PRPF38B: variants seen among roughly 807,000 people sequenced by gnomAD.
PRPF38B encodes the protein pre-mRNA-splicing factor 38B.
Under a neutral mutation model 67.2 loss-of-function variants are expected in PRPF38B, and 18 were observed. That is an observed-to-expected ratio of 0.27 (90% CI 0.19 to 0.40). PRPF38B has a LOEUF of 0.40. PRPF38B is among the 10% of genes least tolerant of loss of function. The pLI, the probability that PRPF38B is intolerant of heterozygous loss-of-function variation, is 1.00. For synonymous variants in PRPF38B, 246 were observed against 234.2 expected (o/e 1.05, Z -0.46); for missense variants, 544 against 684.9 (o/e 0.79, Z 2.30).
intron 1 of PRPF38B, chr1:108,693,683 TC>T: frequency 2.1e-6 from 2 of 938,040 alleles, no homozygotes; most frequent in African/African-American, 1.8e-5. Context: ...TAAATGCATT[TC>T]CCTGGTTAAA....
Position 108,700,689 on chromosome 1 carries a change from A to G in PRPF38B, c.*669A>G, listed in dbSNP as rs1660395307. ...AAGTCCTTTTAGCATTCTACCTCAA[A>G]GGGACACTTAGTATGCCTAAAATTT... On this transcript the variant is annotated 3_prime_UTR_variant, in exon 6 of 6. Coordinates refer to ENST00000370025, the MANE Select transcript of PRPF38B (RefSeq NM_018061.4). The G allele has an allele frequency of 1.3e-5, 2 of 152,678 alleles. No individual in the cohort carries two copies. Among genetic ancestry groups the G allele is most frequent in the South Asian group, 4.1e-4 (2 of 4,838 alleles). The allele number at this position is 152,678 out of a possible 1,614,324, so 9.5% of individuals were successfully genotyped here.
At chr1:108,696,841 G>A in intron 4 of PRPF38B, 1 of 682,614 alleles carries the variant, frequency 1.5e-6, no homozygotes. Flanking sequence ...GTGTTTGGAT[G>A]ACTTGTTCAA....
chr1:108,700,260 T>G lies in PRPF38B; in HGVS notation c.*240T>G. 1.7e-6 allele frequency: 1 copy of G among 603,260 alleles called. No individual in the cohort carries two copies. The highest frequency in any genetic ancestry group is 2.5e-6 in the Non-Finnish European group (1 of 401,960). 37.4% of individuals were successfully genotyped at this position (603,260 alleles called of 1,614,324 possible). ...TTGTTCTTGCATTTTTATTGTTTGT[T>G]TTTGAAATGTACAGTCTGTACATAT... On this transcript the variant is annotated 3_prime_UTR_variant, in exon 6 of 6. Coordinates refer to ENST00000370025, the MANE Select transcript of PRPF38B (RefSeq NM_018061.4).
In PRPF38B at chr1:108,692,591, C is replaced by G; in HGVS notation, c.-1C>G. On this transcript the variant is annotated 5_prime_UTR_variant, in exon 1 of 6. Coordinates refer to ENST00000370025, the MANE Select transcript of PRPF38B (RefSeq NM_018061.4). ...CCCTCCCTCCTTCCTTCCGCCGCAA[C>G]ATGGCTAACAACAGCCCCGCGCTGA... 1 of 1,568,840 alleles carries G rather than the reference C, an allele frequency of 6.4e-7. No individual in the cohort carries two copies. Among genetic ancestry groups the G allele is most frequent in the Non-Finnish European group, 8.6e-7 (1 of 1,158,214 alleles).
At chr1:108,692,959 T>C in intron 1 of PRPF38B, 92 bp downstream of exon 1, 1 of 1,482,770 alleles carries the variant, frequency 6.7e-7, no homozygotes. Flanking sequence ...ATCTGAAGAT[T>C]TGTGGGTGGG....
In PRPF38B at chr1:108,692,447, T is replaced by A; in HGVS notation, c.-145T>A. The A allele has an allele frequency of 1.0e-6, 1 of 1,002,300 alleles. No individual in the cohort carries two copies. The highest frequency in any genetic ancestry group is 1.4e-6 in the Non-Finnish European group (1 of 705,566). The allele number at this position is 1,002,300 out of a possible 1,614,324, so 62.1% of individuals were successfully genotyped here. On this transcript the variant is annotated 5_prime_UTR_variant, in exon 1 of 6. Transcript: ENST00000370025. ...CATTTTGTCGGCGTCGGGTGCCCTCTCTTGCCCAGCTGGGGCACAGCGAGG... is the reference window on the plus strand; with the variant it reads ...CATTTTGTCGGCGTCGGGTGCCCTCACTTGCCCAGCTGGGGCACAGCGAGG...
At position 108,692,406 on chromosome 1, in the gene PRPF38B, G is replaced by C. The variant is rs1659386362; in HGVS notation, c.-186G>C. 1.5e-6 allele frequency: 1 copy of C among 669,558 alleles called. No individual in the cohort carries two copies. The highest frequency in any genetic ancestry group is 2.8e-5 in the East Asian group (1 of 35,132). The allele number at this position is 669,558 out of a possible 1,614,324, so 41.5% of individuals were successfully genotyped here. Reference sequence around the variant, plus strand: ...TCTCGCGGTCTGGGTTTCGCTGTCTGCTCTTGGCCCGGGGTCATTTTGTCG... The same window carrying C: ...TCTCGCGGTCTGGGTTTCGCTGTCTCCTCTTGGCCCGGGGTCATTTTGTCG... On this transcript the variant is annotated 5_prime_UTR_variant, in exon 1 of 6. Transcript: ENST00000370025.
At chr1:108,694,983 T>C (rs931754594) in intron 1 of PRPF38B, among the ~76,000 whole-genome samples, 2 of 152,182 alleles carry the variant, frequency 1.3e-5, no homozygotes, top group African/African-American at 2.4e-5. Flanking sequence ...ATTTATATTC[T>C]GGGGAATAAT....
intron 1 of PRPF38B, 51 bp from the exon 2 acceptor site, chr1:108,695,651 A>T: frequency 6.3e-7 from 1 of 1,579,718 alleles, no homozygotes; most frequent in East Asian, 2.2e-5. Context: ...TCAGGCTTTT[A>T]AACAAATTCA....
In PRPF38B at chr1:108,698,820, C is replaced by T. The variant is rs1557768831; in HGVS notation, c.775C>T (p.Arg259Cys). 4.4e-6 allele frequency: 7 copies of T among 1,608,790 alleles called. No homozygotes were observed. The highest frequency in any genetic ancestry group is 1.3e-5 in the African/African-American group (1 of 74,844). Residue 259 changes from arginine to cysteine, a missense_variant, in exon 5 of 6, where the codon CGT becomes TGT. Coordinates refer to ENST00000370025, the MANE Select transcript of PRPF38B (RefSeq NM_018061.4). Reference sequence around the variant, plus strand: ...AATAGACAGACATGTTGAACGCAGACGTTCAAGGTAATGTCACTCTTGAAT... The same window carrying T: ...AATAGACAGACATGTTGAACGCAGATGTTCAAGGTAATGTCACTCTTGAAT... ...EEIDRHVERR[R>C]SRSPRRSLSP...
chr1:108,697,538 C>CTT (rs34770110), intron 4 of PRPF38B: 1 of 146,072 alleles, frequency 6.8e-6, no homozygotes, highest in African/African-American at 2.6e-5. Flanking sequence ...TTATTTTTCT[C>CTT]TTTTTTTTTT....
intron 4 of PRPF38B, chr1:108,696,853 G>A (rs191168988): frequency 9.0e-5 from 59 of 654,954 alleles, no homozygotes; most frequent in Non-Finnish European, 1.5e-4. Context: ...CTTGTTCAAG[G>A]TGACAAAATT....
At position 108,696,082 on chromosome 1, in the gene PRPF38B, T is replaced by G; in HGVS notation, c.385T>G (p.Phe129Val). 1 of 1,614,014 alleles carries G rather than the reference T, an allele frequency of 6.2e-7. No homozygotes were observed. Among genetic ancestry groups the G allele is most frequent in the Non-Finnish European group, 8.5e-7 (1 of 1,179,940 alleles). Residue 129 changes from phenylalanine to valine, a missense_variant, in exon 3 of 6, where the codon TTT becomes GTT. Physicochemically the swap from Phe to Val is conservative, Grantham distance 50. Transcript: ENST00000370025. ...AACAGGAGGAATTGTTTCTACAGCA[T>G]TTTGCCTGTTATACAAATTATTTAC... ...VGTGGIVSTA[F>V]CLLYKLFTLK...
Position 108,702,928 on chromosome 1 carries a change from A to G in PRPF38B, c.*2908A>G, listed in dbSNP as rs1660658345. 6.6e-6 allele frequency among the ~76,000 whole-genome samples: 1 copy of G among 152,190 alleles called. No homozygotes were observed. Among genetic ancestry groups the G allele is most frequent in the African/African-American group, 2.4e-5 (1 of 41,438 alleles). On this transcript the variant is annotated 3_prime_UTR_variant, in exon 6 of 6. Transcript: ENST00000370025. ...AATTAAATTCTATACATGGGCGAGTATATCATCAATCTTAAACTTTTAATA... is the reference window on the plus strand; with the variant it reads ...AATTAAATTCTATACATGGGCGAGTGTATCATCAATCTTAAACTTTTAATA...
In PRPF38B at chr1:108,702,609, C is replaced by G. The variant is rs1381327153; in HGVS notation, c.*2589C>G. Among the ~76,000 whole-genome samples, 4 of 151,916 alleles carry G rather than the reference C, an allele frequency of 2.6e-5. No individual in the cohort carries two copies. The South Asian group carries it at 8.3e-4, about 32-fold the overall frequency. On this transcript the variant is annotated 3_prime_UTR_variant, in exon 6 of 6. Transcript: ENST00000370025. ...TTCTTGAAACATGAGAACATTTGGA[C>G]ACGAACATCACACGCCGGGGCCTGT... is the stretch of plus-strand genomic sequence containing the variant.
rs1309398359 is a variant in PRPF38B at position 108,702,869 on chromosome 1, A to G, written c.*2849A>G. Among the ~76,000 whole-genome samples the G allele has an allele frequency of 6.6e-6, 1 of 152,194 alleles. No individual in the cohort carries two copies. Among genetic ancestry groups the G allele is most frequent in the Non-Finnish European group, 1.5e-5 (1 of 68,026 alleles). On this transcript the variant is annotated 3_prime_UTR_variant, in exon 6 of 6. Transcript: ENST00000370025. The stretch of plus-strand genomic sequence containing the variant: ...GAATGATTTCACCTTTCCATGTATT[A>G]AAATCTTTTGCCTGTTTTTAATGTT...
chr1:108,692,950 TC>T (rs1659465597), intron 1 of PRPF38B, 83 bp downstream of exon 1: 2 of 1,503,658 alleles, frequency 1.3e-6, no homozygotes, highest in Admixed American at 2.1e-5. Context: ...GCCCCCGAAA[TC>T]TGAAGATTTG....
Position 108,699,943 on chromosome 1 carries a change from C to G in PRPF38B, c.1564C>G (p.His522Asp). Residue 522 changes from histidine (H) to aspartate (D), a missense_variant, in exon 6 of 6, where the codon CAT (histidine) becomes GAT (aspartate). Transcript: ENST00000370025. ...TGATAGTAAGGACCAGTCAGACAAA[C>G]ATGATCGTCGAAGGAGCCAAAGTAT... ...HSDSKDQSDK[H>D]DRRRSQSIEQ... The G allele has an allele frequency of 1.2e-6, 2 of 1,613,704 alleles. No individual in the cohort carries two copies. Among genetic ancestry groups the G allele is most frequent in the Non-Finnish European group, 1.7e-6 (2 of 1,179,936 alleles).
chr1:108,699,983 A>G lies in PRPF38B; in HGVS notation c.1604A>G (p.Gln535Arg). ...RRSQSIEQES[Q>R]EKQHKNKDET... ...AGCCAAAGTATAGAACAAGAGAGCC[A>G]AGAAAAACAGCATAAAAACAAAGAT... The change falls in exon 6 of 6, where the codon CAA becomes CGA. Residue 535 changes from glutamine to arginine, a missense_variant. By Grantham distance (43) the Gln-to-Arg change is conservative. Transcript: ENST00000370025. 6.3e-7 allele frequency: 1 copy of G among 1,591,492 alleles called. No individual in the cohort carries two copies. The highest frequency in any genetic ancestry group is 8.5e-7 in the Non-Finnish European group (1 of 1,173,796).
Sources: allele counts gnomAD v4.1 joint callset (sites outside exome capture counted in the v4.1 genomes callset), GRCh38; gene constraint gnomAD v4.1.1; transcripts MANE v1.5; gene names NCBI Gene and HGNC (gene_info 2026-07-23, HGNC 2026-07-21).